The following NCMAP variants were observed in gnomAD, a reference collection of about 807,000 sequenced individuals.
The protein encoded by NCMAP is non-compact myelin associated protein.
NCMAP carries 8 observed loss-of-function variants against 7.8 expected under a neutral mutation model. The observed-to-expected ratio is 1.02, with a 90% CI of 0.60 to 1.84. The LOEUF (loss-of-function observed/expected upper bound fraction) is 1.84, where lower values mean the gene tolerates loss of function less well. Among genes scored for constraint, NCMAP ranks in the 40% most tolerant of loss-of-function variants. The pLI, the probability that NCMAP is intolerant of heterozygous loss-of-function variation, is 0.00. For missense variants in NCMAP, 112 were observed against 131.4 expected (o/e 0.85, Z 0.72); for synonymous variants, 41 against 52.9 (o/e 0.78, Z 0.98).
At chr1:24,590,211 A>T (rs1204229215) in intron 1 of NCMAP, among the ~76,000 whole-genome samples, 2 of 152,236 alleles carry the variant, frequency 1.3e-5, no homozygotes, top group African/African-American at 2.4e-5. Flanking sequence ...GATAGAAAAT[A>T]TCTGTCACAA....
intron 1 of NCMAP, among the ~76,000 whole-genome samples, chr1:24,557,043 A>G (rs1353172512): frequency 6.6e-6 from 1 of 152,158 alleles, no homozygotes; most frequent in Admixed American, 6.5e-5. Context: ...TAACTCATAA[A>G]GTGTTTAATA....
At chr1:24,597,653 AAG>A (rs1461851449) in intron 2 of NCMAP, among the ~76,000 whole-genome samples, 7 of 138,480 alleles carry the variant, frequency 5.1e-5, no homozygotes, top group African/African-American at 1.7e-4. Context: ...GAAAGAAAGA[AAG>A]AAAGAAAGAA....
intron 1 of NCMAP, among the ~76,000 whole-genome samples, chr1:24,591,859 G>A (rs951836327): frequency 2.6e-5 from 4 of 152,212 alleles, no homozygotes; most frequent in Non-Finnish European, 4.4e-5. Flanking sequence ...TAGATTAACA[G>A]GGCCAGGCCA....
intron 1 of NCMAP, among the ~76,000 whole-genome samples, chr1:24,557,652 G>A (rs1325403717): frequency 6.6e-6 from 1 of 152,172 alleles, no homozygotes; most frequent in Non-Finnish European, 1.5e-5. Context: ...CAGAAGGGCA[G>A]CCAAGAGACA....
chr1:24,588,260 T>A (rs1190229356), intron 1 of NCMAP, among the ~76,000 whole-genome samples: 1 of 152,156 alleles, frequency 6.6e-6, no homozygotes, highest in African/African-American at 2.4e-5. Flanking sequence ...GGGTCAATTT[T>A]CTGACCATTA....
chr1:24,561,705 G>A (rs1651059340), intron 1 of NCMAP, among the ~76,000 whole-genome samples: 1 of 152,188 alleles, frequency 6.6e-6, no homozygotes, highest in Admixed American at 6.5e-5. Context: ...GAGGTCAGGA[G>A]TTCCAGGCCA....
chr1:24,594,387 G>A lies in NCMAP; in HGVS notation c.-7-1037G>A, dbSNP rs151111750. On this transcript the variant is annotated intron_variant, in intron 1 of 3. Transcript: ENST00000374392. ...CATTGTACACTCAGAGAGTGTTTGA[G>A]TCCAAGCTCCACCTCCTACTTGTAT... is the stretch of plus-strand genomic sequence containing the variant. Among the ~76,000 whole-genome samples the A allele has an allele frequency of 3.8e-3, 576 of 152,206 alleles. 5 individuals are homozygous for A. Among genetic ancestry groups the A allele is most frequent in the South Asian group, 0.012 (57 of 4,820 alleles).
At chr1:24,593,049 G>A (rs1392635110) in intron 1 of NCMAP, among the ~76,000 whole-genome samples, 5 of 151,906 alleles carry the variant, frequency 3.3e-5, no homozygotes, top group Non-Finnish European at 4.4e-5. Flanking sequence ...GTGGTCGTGG[G>A]CCCTTGTAAT....
intron 3 of NCMAP, among the ~76,000 whole-genome samples, chr1:24,604,638 ATATATATATATATATG>A (rs1652653037): frequency 1.1e-5 from 1 of 91,878 alleles, no homozygotes; most frequent in East Asian, 3.0e-4. Context: ...ATATATATAT[ATATATATATATATATG>A]TCAGCAAGAT....
intron 1 of NCMAP, among the ~76,000 whole-genome samples, chr1:24,565,672 C>T (rs1557592806): frequency 6.6e-6 from 1 of 151,544 alleles, no homozygotes; most frequent in Non-Finnish European, 1.5e-5. Flanking sequence ...GATCATGGCT[C>T]ACTGCAGCCT....
At chr1:24,602,532 A>T (rs1313778627) in intron 3 of NCMAP, among the ~76,000 whole-genome samples, 1 of 121,794 alleles carries the variant, frequency 8.2e-6, no homozygotes, top group African/African-American at 4.3e-5. Context: ...ATCGCGCCAC[A>T]GCACTCCCGC....
intron 2 of NCMAP, among the ~76,000 whole-genome samples, chr1:24,597,677 A>AAAG (rs1266945414): frequency 2.4e-5 from 3 of 124,266 alleles, no homozygotes; most frequent in Non-Finnish European, 5.3e-5. Flanking sequence ...GAAAGAAAAG[A>AAAG]AAAAGAAAGA....
Position 24,595,083 on chromosome 1 carries a change from T to C in NCMAP, c.-7-341T>C, listed in dbSNP as rs74605032. Among the ~76,000 whole-genome samples the C allele has an allele frequency of 8.7e-3, 1,323 of 152,248 alleles. 21 individuals are homozygous for C. Among genetic ancestry groups the C allele is most frequent in the African/African-American group, 0.03 (1,264 of 41,536 alleles). On this transcript the variant is annotated intron_variant, in intron 1 of 3. Coordinates refer to ENST00000374392, the MANE Select transcript of NCMAP (RefSeq NM_001010980.5). The stretch of plus-strand genomic sequence containing the variant: ...AAATTCTGTTAGGTCAACTTGGGAC[T>C]CCAGGTAGCTTTGGGGACTTTGATT...
chr1:24,579,310 C>G (rs974517048), intron 1 of NCMAP, among the ~76,000 whole-genome samples: 6 of 151,868 alleles, frequency 4.0e-5, no homozygotes, highest in Admixed American at 1.3e-4. Flanking sequence ...TTTTCTTCTT[C>G]TCTGTGCATT....
intron 1 of NCMAP, among the ~76,000 whole-genome samples, chr1:24,579,928 T>C (rs1651695767): frequency 6.6e-6 from 1 of 152,196 alleles, no homozygotes. Context: ...GACATTCCCA[T>C]TTTCAGCCAG....
chr1:24,600,925 C>A lies in NCMAP; in HGVS notation c.83-15C>A, dbSNP rs1232505084. 1.2e-6 allele frequency: 2 copies of A among 1,613,312 alleles called. No individual in the cohort carries two copies. Among genetic ancestry groups the A allele is most frequent in the East Asian group, 4.5e-5 (2 of 44,880 alleles). On this transcript the variant is annotated splice_polypyrimidine_tract_variant and intron_variant, in intron 2 of 3. Coordinates refer to ENST00000374392, the MANE Select transcript of NCMAP (RefSeq NM_001010980.5). ...GTTTGCACATTCACGGTCTCTGCTT[C>A]TCTCCTTTCTGTAGGTTCTGGAGCC...
rs1228308255 is a variant in NCMAP at position 24,564,850 on chromosome 1, G to A, written c.-8+8681G>A. On this transcript the variant is annotated intron_variant, in intron 1 of 3. Transcript: ENST00000374392. ...ATTATTCTTCTCAACAGCAATACCC[G>A]ATAAAGTCAAAGAAGTGATGTCACT... Among the ~76,000 whole-genome samples, 9 of 152,144 alleles carry A rather than the reference G, an allele frequency of 5.9e-5. No homozygotes were observed. The East Asian group carries it at 9.6e-4, about 16-fold the overall frequency.
At chr1:24,566,103 A>G (rs773957943) in intron 1 of NCMAP, among the ~76,000 whole-genome samples, 9 of 152,144 alleles carry the variant, frequency 5.9e-5, no homozygotes, top group Non-Finnish European at 1.3e-4. Flanking sequence ...GCCATGCTGG[A>G]CTTCGAGTCA....
rs371177234 is a variant in NCMAP at position 24,572,403 on chromosome 1, G to A, written c.-8+16234G>A. 1.3e-4 allele frequency among the ~76,000 whole-genome samples: 20 copies of A among 150,828 alleles called. 2 individuals carry two copies. The highest frequency in any genetic ancestry group is 3.0e-4 in the African/African-American group (12 of 40,132). On this transcript the variant is annotated intron_variant, in intron 1 of 3. Transcript: ENST00000374392. The stretch of plus-strand genomic sequence containing the variant: ...CTGTGCCTCTGACCTGCTCTTTCCC[G>A]AGGCAGTCAGTGGTCACTGAATGGT...
Sources: gnomAD v4.1 joint callset for allele counts (sites outside exome capture counted in the v4.1 genomes callset) on GRCh38, gnomAD v4.1.1 for gene constraint, MANE v1.5 for transcripts, NCBI Gene and HGNC (gene_info 2026-07-23, HGNC 2026-07-21) for gene names.